The following SSUH2 variants were observed in gnomAD, a reference collection of about 807,000 sequenced individuals.
SSUH2 encodes ssu-2 homolog.
Under a neutral mutation model 55.3 loss-of-function variants are expected in SSUH2, and 47 were observed. The observed-to-expected ratio is 0.85, with a 90% confidence interval of 0.67 to 1.08. The LOEUF (loss-of-function observed/expected upper bound fraction) is 1.08. SSUH2 is among the 50% of genes least tolerant of loss of function. SSUH2 has a pLI of 0.00. For missense variants in SSUH2, 535 were observed against 490.7 expected (o/e 1.09, Z -0.85); for synonymous variants, 212 against 191.5 (o/e 1.11, Z -0.89).
intron 3 of SSUH2, among the ~76,000 whole-genome samples, chr3:8,676,042 G>T (rs1455361815): frequency 6.6e-6 from 1 of 152,066 alleles, no homozygotes; most frequent in Non-Finnish European, 1.5e-5. Flanking sequence ...GCTGACTCTT[G>T]GGCAAAACCT....
intron 1 of SSUH2, among the ~76,000 whole-genome samples, chr3:8,680,032 C>T (rs1399998604): frequency 2.0e-5 from 3 of 151,962 alleles, no homozygotes; most frequent in Admixed American, 6.6e-5. Context: ...GAAAAACTTC[C>T]AGCAGCCCCA....
At position 8,635,371 on chromosome 3, in the gene SSUH2, T is replaced by C; in HGVS notation, c.138A>G (p.Ile46Met). Residue 46 changes from isoleucine to methionine, a missense_variant, in exon 3 of 12, where the codon ATA becomes ATG. Transcript: ENST00000544814. ...CTGGGGCCTCCAAAGGTGGGAAGAATATCTGTCCTCCTGGAGAAGGGAAGA... is the reference window on the plus strand; with the variant it reads ...CTGGGGCCTCCAAAGGTGGGAAGAACATCTGTCCTCCTGGAGAAGGGAAGA... ...DWLLQGGRGQ[I>M]FFPPLEAPGR... 6.5e-7 allele frequency: 1 copy of C among 1,535,860 alleles called. No individual in the cohort carries two copies. The highest frequency in any genetic ancestry group is 1.2e-5 in the South Asian group (1 of 84,024).
chr3:8,659,612 C>T (rs892200929), intron 6 of SSUH2: 7 of 330,826 alleles, frequency 2.1e-5, no homozygotes, highest in East Asian at 9.5e-5. Context: ...TGCTGGAGGC[C>T]GGGGGCTGCC....
rs1435990859 is a variant in SSUH2 at position 8,681,161 on chromosome 3, A to AG, written c.-1046+729dup. Among the ~76,000 whole-genome samples the AG allele has an allele frequency of 2.9e-4, 35 of 119,698 alleles. 1 individual carries two copies. The highest frequency in any genetic ancestry group is 1.6e-3 in the South Asian group (6 of 3,806). The allele number at this position is 119,698 out of a possible 152,430, so 78.5% of individuals were successfully genotyped here. A position where few individuals can be genotyped will look rare whatever the true frequency, so the allele number is the denominator to read the frequency against. The stretch of plus-strand genomic sequence containing the variant: ...CCCTGCCTCTTAGGACTTCCATAGC[A>AG]GGGGGGGGAGTCACCCCATGCAAGG... On this transcript the variant is annotated intron_variant, in intron 1 of 18. Transcript: ENST00000317371.
chr3:8,643,530 G>A (rs1701212860), intron 1 of SSUH2, among the ~76,000 whole-genome samples: 1 of 152,158 alleles, frequency 6.6e-6, no homozygotes, highest in African/African-American at 2.4e-5. Flanking sequence ...AATATCTCCA[G>A]GCAGTCTTTC....
intron 1 of SSUH2, among the ~76,000 whole-genome samples, chr3:8,681,082 AGGG>A (rs200530792): frequency 1.0e-5 from 1 of 99,466 alleles, no homozygotes; most frequent in Non-Finnish European, 2.4e-5. Flanking sequence ...CTTCCATAGC[AGGG>A]GGGAGAGGCA....
At chr3:8,627,644 T>A in intron 8 of SSUH2, 54 bp downstream of exon 8, 3 of 1,444,110 alleles carry the variant, frequency 2.1e-6, no homozygotes, top group Non-Finnish European at 2.8e-6. Flanking sequence ...GGGCAGGCAA[T>A]GAAAAGCCAG....
intron 2 of SSUH2, among the ~76,000 whole-genome samples, chr3:8,679,304 GAGGCGGGGACTAAGAGCCA>G (rs1705773505): frequency 1.5e-5 from 1 of 68,300 alleles, no homozygotes; most frequent in Non-Finnish European, 3.4e-5. Context: ...CACCCCCCAT[GAGGCGGGGACTAAGAGCCA>G]GCCCCTCTTC....
At chr3:8,629,749 G>C in intron 6 of SSUH2, 23 bp from the exon 7 acceptor site, 1 of 1,613,578 alleles carries the variant, frequency 6.2e-7, no homozygotes. Context: ...CGCTTTCTTG[G>C]GATCTAGTTT....
At chr3:8,661,867 G>A (rs113104134) in intron 6 of SSUH2, among the ~76,000 whole-genome samples, 57 of 152,350 alleles carry the variant, frequency 3.7e-4, no homozygotes, top group African/African-American at 1.3e-3. Context: ...CCCAGTGGGA[G>A]ATAATTGAAT....
intron 7 of SSUH2, among the ~76,000 whole-genome samples, chr3:8,651,212 C>G (rs948973764): frequency 6.6e-6 from 1 of 152,242 alleles, no homozygotes; most frequent in African/African-American, 2.4e-5. Flanking sequence ...CAGGACAACA[C>G]TAACTTCCCG....
chr3:8,674,733 G>A (rs113280922), intron 3 of SSUH2, among the ~76,000 whole-genome samples: 7,114 of 152,126 alleles, frequency 0.047, 537 homozygotes, highest in African/African-American at 0.16. Context: ...GACAGAGCAC[G>A]GCTCTTTGCT....
intron 7 of SSUH2, chr3:8,652,215 GCA>G (rs1025868375): frequency 1.3e-5 from 2 of 152,336 alleles, no homozygotes; most frequent in African/African-American, 4.8e-5. Context: ...CTTGATCCAA[GCA>G]CACAGAGCCC....
intron 7 of SSUH2, among the ~76,000 whole-genome samples, chr3:8,628,948 T>G (rs539332891): frequency 6.6e-6 from 1 of 152,188 alleles, no homozygotes; most frequent in East Asian, 1.9e-4. Flanking sequence ...CTCTGCCTCC[T>G]GGGTTCACGC....
At chr3:8,642,474 T>C (rs1701017941) in intron 1 of SSUH2, among the ~76,000 whole-genome samples, 1 of 152,212 alleles carries the variant, frequency 6.6e-6, no homozygotes, top group African/African-American at 2.4e-5. Flanking sequence ...CAGTCTCGAC[T>C]ATAGAAATAG....
At chr3:8,671,161 A>G (rs1228161659) in intron 4 of SSUH2, 2 of 193,884 alleles carry the variant, frequency 1.0e-5, no homozygotes, top group Non-Finnish European at 2.3e-5. Context: ...TTCCTGGAAT[A>G]TTATGAAGAA....
At chr3:8,639,337 T>C (rs1218304683) in intron 1 of SSUH2, among the ~76,000 whole-genome samples, 1 of 152,196 alleles carries the variant, frequency 6.6e-6, no homozygotes, top group African/African-American at 2.4e-5. Flanking sequence ...CCTTTGTGCT[T>C]CACGATAACC....
intron 7 of SSUH2, among the ~76,000 whole-genome samples, chr3:8,658,756 T>C (rs1703191849): frequency 6.6e-6 from 1 of 152,174 alleles, no homozygotes; most frequent in Non-Finnish European, 1.5e-5. Flanking sequence ...AAAAAAAGCC[T>C]TGTGCCTGCA....
intron 1 of SSUH2, among the ~76,000 whole-genome samples, chr3:8,642,959 G>A (rs1456924395): frequency 6.6e-6 from 1 of 152,156 alleles, no homozygotes; most frequent in African/African-American, 2.4e-5. Context: ...TCTGAGACCA[G>A]CACTCAGGAC....
Sources: gnomAD v4.1 joint callset for allele counts (sites outside exome capture counted in the v4.1 genomes callset) on GRCh38, gnomAD v4.1.1 for gene constraint, MANE v1.5 for transcripts, NCBI Gene and HGNC (gene_info 2026-07-23, HGNC 2026-07-21) for gene names.